ANXA4: variants seen among roughly 807,000 people sequenced by gnomAD.
ANXA4 encodes annexin A4.
In ANXA4, 39 loss-of-function variants were observed where a neutral mutation model predicts 49.8. That is an observed-to-expected ratio of 0.78 (90% CI 0.61 to 1.02). The LOEUF (loss-of-function observed/expected upper bound fraction) is 1.02. Ranked by LOEUF, ANXA4 falls within the 50% of genes least tolerant of loss-of-function variation. The pLI, the probability that ANXA4 is intolerant of heterozygous loss-of-function variation, is 0.00. For missense variants in ANXA4, 360 were observed against 410.1 expected (o/e 0.88, Z 1.05); for synonymous variants, 134 against 152.5 (o/e 0.88, Z 0.89).
chr2:69,774,337 C>G lies in ANXA4; in HGVS notation c.-46-7183C>G, dbSNP rs1250524623. Among the ~76,000 whole-genome samples the G allele has an allele frequency of 1.6e-4, 19 of 118,316 alleles. 1 individual carries two copies. The highest frequency in any genetic ancestry group is 2.6e-4 in the Non-Finnish European group (15 of 58,332). 77.6% of individuals were successfully genotyped at this position (118,316 alleles called of 152,430 possible). ...GTTTATGTAAAAGGAGCCCCCCCCC[C>G]CCCTTTTTTTTTTTTTTTGAGACAG... On this transcript the variant is annotated intron_variant, in intron 1 of 12. Transcript: ENST00000394295.
intron 7 of ANXA4, chr2:69,811,119 G>C (rs1673689817): frequency 6.3e-6 from 1 of 158,864 alleles, no homozygotes. Context: ...CAGAGATGCT[G>C]GTTCAGAGAG....
chr2:69,736,864 C>G (rs1670258619), intron 3 of ANXA4, among the ~76,000 whole-genome samples: 1 of 152,102 alleles, frequency 6.6e-6, no homozygotes, highest in South Asian at 2.1e-4. Flanking sequence ...TGCAGTGGTG[C>G]CATCTTGGCT....
At chr2:69,804,904 C>T (rs1424913757) in intron 4 of ANXA4, among the ~76,000 whole-genome samples, 6 of 151,596 alleles carry the variant, frequency 4.0e-5, no homozygotes, top group Admixed American at 6.6e-5. Context: ...AAAAATTAGC[C>T]GGGCATGGTG....
intron 2 of ANXA4, among the ~76,000 whole-genome samples, chr2:69,662,935 A>G (rs1028711025): frequency 6.6e-6 from 1 of 152,162 alleles, no homozygotes; most frequent in Non-Finnish European, 1.5e-5. Context: ...TACATGTACT[A>G]AAAATTGTTG....
intron 1 of ANXA4, among the ~76,000 whole-genome samples, chr2:69,761,792 A>C (rs534598528): frequency 2.2e-4 from 34 of 152,236 alleles, no homozygotes; most frequent in Admixed American, 9.8e-4. Flanking sequence ...AAAAAAAAAA[A>C]AAACTTAAAA....
chr2:69,663,351 A>G (rs1386533584), intron 2 of ANXA4, among the ~76,000 whole-genome samples: 1 of 135,742 alleles, frequency 7.4e-6, no homozygotes, highest in Non-Finnish European at 1.5e-5. Context: ...CACTTACATA[A>G]GAGCAGAGCC....
At position 69,820,819 on chromosome 2, in the gene ANXA4, A is replaced by C. The variant is rs751169836; in HGVS notation, c.904A>C (p.Lys302Gln). ...LYGKSLYSFI[K>Q]GDTSGDYRKV... The stretch of plus-strand genomic sequence containing the variant: ...TGGAAAGTCTCTGTACTCGTTCATC[A>C]AGGTAGGTCACAGCAGCCTAAGTCC... Residue 302 changes from lysine to glutamine, a missense_variant and splice_region_variant, in exon 12 of 13, where the codon AAG becomes CAG. Coordinates refer to ENST00000394295, the MANE Select transcript of ANXA4 (RefSeq NM_001153.5). 1.3e-5 allele frequency: 21 copies of C among 1,613,826 alleles called. No individual in the cohort carries two copies. The highest frequency in any genetic ancestry group is 1.7e-5 in the Non-Finnish European group (20 of 1,179,852).
At chr2:69,805,632 G>A (rs141432436) in intron 4 of ANXA4, among the ~76,000 whole-genome samples, 27 of 151,232 alleles carry the variant, frequency 1.8e-4, no homozygotes, top group African/African-American at 6.3e-4. Flanking sequence ...AAATTATGTT[G>A]CACCTATCTA....
chr2:69,702,876 A>G (rs909199284), intron 2 of ANXA4, among the ~76,000 whole-genome samples: 1 of 152,238 alleles, frequency 6.6e-6, no homozygotes, highest in Non-Finnish European at 1.5e-5. Flanking sequence ...CTAAGCAAAC[A>G]TCAGTCATTT....
chr2:69,748,526 A>T (rs899005504), intron 1 of ANXA4, among the ~76,000 whole-genome samples: 7 of 150,744 alleles, frequency 4.6e-5, no homozygotes, highest in African/African-American at 1.7e-4. Flanking sequence ...TCTTTTATAA[A>T]TTATATTACA....
intron 2 of ANXA4, among the ~76,000 whole-genome samples, chr2:69,718,982 T>C (rs531895383): frequency 6.8e-6 from 1 of 146,462 alleles, no homozygotes; most frequent in African/African-American, 2.5e-5. Context: ...CTACCCTCCT[T>C]TTTTTTTTTT....
intron 2 of ANXA4, among the ~76,000 whole-genome samples, chr2:69,661,482 G>GAA (rs141339759): frequency 2.0e-5 from 3 of 148,708 alleles, no homozygotes; most frequent in Admixed American, 6.7e-5. Context: ...CAGATCTACC[G>GAA]AAAAAAAAAA....
At position 69,757,340 on chromosome 2, in the gene ANXA4, G is replaced by A. The variant is rs1484590030; in HGVS notation, c.-47+15165G>A. Among the ~76,000 whole-genome samples, 13 of 136,342 alleles carry A rather than the reference G, an allele frequency of 9.5e-5. 1 individual carries two copies. The highest frequency in any genetic ancestry group is 4.0e-4 in the Admixed American group (5 of 12,532). 89.4% of individuals were successfully genotyped at this position (136,342 alleles called of 152,430 possible). A position where few individuals can be genotyped will look rare whatever the true frequency, so the allele number is the denominator to read the frequency against. On this transcript the variant is annotated intron_variant, in intron 1 of 12. Transcript: ENST00000394295. Reference sequence around the variant, plus strand: ...GGCTGGAGTGCAGTCGCATGATCTCGGCTCACTGCAAGCTCTGCCTCCCGG... The same window carrying A: ...GGCTGGAGTGCAGTCGCATGATCTCAGCTCACTGCAAGCTCTGCCTCCCGG...
chr2:69,660,022 C>CA (rs2105321734), intron 2 of ANXA4, among the ~76,000 whole-genome samples: 1 of 152,044 alleles, frequency 6.6e-6, no homozygotes, highest in African/African-American at 2.4e-5. Context: ...GGACACATAG[C>CA]AAAAAATCTA....
rs373066296 is a variant in ANXA4, at chr2:69,678,429, T to C, written n.766+25147T>C. On this transcript the variant is annotated intron_variant and non_coding_transcript_variant, in intron 2 of 3. Coordinates refer to the ANXA4 transcript ENST00000418066. ...TTTTTTTTGAGTCAGGGTCTTACTC[T>C]GTCACCCAGGCTGGAGTGCAGTGGT... 3.2e-4 allele frequency among the ~76,000 whole-genome samples: 47 copies of C among 145,904 alleles called. 1 individual carries two copies. Among genetic ancestry groups the C allele is most frequent in the African/African-American group, 1.2e-3 (46 of 39,194 alleles).
chr2:69,785,414 A>G (rs1338399727), intron 2 of ANXA4, among the ~76,000 whole-genome samples: 1 of 152,214 alleles, frequency 6.6e-6, no homozygotes, highest in Non-Finnish European at 1.5e-5. Context: ...CACACTGTTT[A>G]TGCCACCTTG....
chr2:69,811,675 A>G (rs1385482981), intron 7 of ANXA4, among the ~76,000 whole-genome samples: 1 of 152,146 alleles, frequency 6.6e-6, no homozygotes, highest in African/African-American at 2.4e-5. Flanking sequence ...TAATGAACTG[A>G]ACCAGAACTC....
chr2:69,718,775 TCA>T lies in ANXA4; in HGVS notation n.767-1992_767-1991del, dbSNP rs1162918104. Among the ~76,000 whole-genome samples, 8 of 126,230 alleles carry T rather than the reference TCA, an allele frequency of 6.3e-5. No individual in the cohort carries two copies. The East Asian group carries it at 7.8e-4, about 12-fold the overall frequency. The allele number at this position is 126,230 out of a possible 152,430, so 82.8% of individuals were successfully genotyped here. A position where few individuals can be genotyped will look rare whatever the true frequency, so the allele number is the denominator to read the frequency against. On this transcript the variant is annotated intron_variant and non_coding_transcript_variant, in intron 2 of 3. Transcript: ENST00000418066. ...TGCATACACACACATACACACACATTCACACACATGCATACACATACGTGCAT... is the reference window on the plus strand; with the variant it reads ...TGCATACACACACATACACACACATTCACACATGCATACACATACGTGCAT...
chr2:69,739,598 C>T (rs551937834), upstream of ANXA4, among the ~76,000 whole-genome samples: 77 of 150,200 alleles, frequency 5.1e-4, 1 homozygote, highest in African/African-American at 1.6e-3. Flanking sequence ...TAAAGAGACA[C>T]GGTGGGTGGG....
Sources: allele counts gnomAD v4.1 joint callset (sites outside exome capture counted in the v4.1 genomes callset), GRCh38; gene constraint gnomAD v4.1.1; transcripts MANE v1.5; gene names NCBI Gene and HGNC (gene_info 2026-07-23, HGNC 2026-07-21).